Variants in SPOP observed in about 807,000 individuals in gnomAD.
SPOP encodes the protein speckle-type POZ protein.
SPOP carries 11 observed loss-of-function variants against 45.6 expected under a neutral mutation model. The ratio of observed to expected loss-of-function variants is 0.24; its 90% CI spans 0.15 to 0.40. The LOEUF (loss-of-function observed/expected upper bound fraction) is 0.40, where lower values mean the gene tolerates loss of function less well. Ranked by LOEUF, SPOP falls within the 10% of genes least tolerant of loss-of-function variation. The pLI, the probability that SPOP is intolerant of heterozygous loss-of-function variation, is 1.00. For missense variants in SPOP, 152 were observed against 465.6 expected (o/e 0.33, Z 6.20); for synonymous variants, 166 against 166.3 (o/e 1.00, Z 0.01).
intron 5 of SPOP, 73 bp from the exon 6 acceptor site, chr17:49,611,530 T>C (rs2071972554): frequency 8.5e-7 from 1 of 1,170,364 alleles, no homozygotes; most frequent in Admixed American, 2.0e-5. Flanking sequence ...AGACGACTTT[T>C]ACCTAACTGC....
At position 49,605,544 on chromosome 17, in the gene SPOP, G is replaced by T. The variant is rs7220846; in HGVS notation, c.837+1706C>A. On this transcript the variant is annotated intron_variant, in intron 8 of 9. Transcript: ENST00000504102. ...GTCTCTACTACATATACAACAATTA[G>T]CTGGGTGTGGTGGTGCATGCCTGTA... Among the ~76,000 whole-genome samples, 1,100 of 151,886 alleles carry T rather than the reference G, an allele frequency of 7.2e-3. 11 individuals are homozygous for T. Among genetic ancestry groups the T allele is most frequent in the African/African-American group, 0.024 (997 of 41,386 alleles).
intron 1 of SPOP, among the ~76,000 whole-genome samples, chr17:49,623,366 T>G (rs183133336): frequency 4.6e-5 from 7 of 152,324 alleles, no homozygotes; most frequent in Non-Finnish European, 1.0e-4. Context: ...AGTAGTCACC[T>G]AGTCACAATT....
chr17:49,669,704 G>A (rs898379355), intron 1 of SPOP, among the ~76,000 whole-genome samples: 1 of 141,778 alleles, frequency 7.1e-6, no homozygotes, highest in African/African-American at 2.6e-5. Context: ...GGCGGAGGTT[G>A]CAGTGAGCCG....
rs759238325 is a variant in SPOP, at chr17:49,624,654, TG to T, written c.-66-1779del. Among the ~76,000 whole-genome samples the T allele has an allele frequency of 1.6e-3, 248 of 152,052 alleles. 1 individual carries two copies. Among genetic ancestry groups the T allele is most frequent in the Non-Finnish European group, 1.0e-3 (68 of 67,984 alleles). On this transcript the variant is annotated intron_variant, in intron 1 of 9. Coordinates refer to ENST00000504102, the MANE Select transcript of SPOP (RefSeq NM_001007228.2). ...ACCTTGCTAATTTTTTGTATTTTTT[TG>T]TGGAGACAGGGTTTTGCCATGTTGC...
chr17:49,602,052 G>T (rs1249585915), intron 8 of SPOP, 45 bp from the exon 9 acceptor site: 2 of 1,604,304 alleles, frequency 1.2e-6, no homozygotes, highest in Admixed American at 3.4e-5. Context: ...CAATAGTTCT[G>T]GGCTGACCAC....
rs149757100 is a variant in SPOP, at chr17:49,603,693, G to A, written c.838-1686C>T. ...CTTATTCTGTTTTCCTAAAACTCACGAAGAGGTGTAAAGGTAAAAACGTTT... is the reference window on the plus strand; with the variant it reads ...CTTATTCTGTTTTCCTAAAACTCACAAAGAGGTGTAAAGGTAAAAACGTTT... On this transcript the variant is annotated intron_variant, in intron 8 of 9. Coordinates refer to ENST00000504102, the MANE Select transcript of SPOP (RefSeq NM_001007228.2). Among the ~76,000 whole-genome samples the A allele has an allele frequency of 4.9e-3, 741 of 152,322 alleles. 2 individuals are homozygous for A. Among genetic ancestry groups the A allele is most frequent in the Non-Finnish European group, 8.3e-3 (563 of 68,026 alleles).
rs1315023933 is a variant in SPOP at position 49,607,925 on chromosome 17, A to G, written c.663T>C (p.Arg221=). Residue 221 remains arginine (R), a synonymous_variant, in exon 7 of 10, where the codon CGT becomes CGC. Coordinates refer to ENST00000504102, the MANE Select transcript of SPOP (RefSeq NM_001007228.2). ...CAAACATGGCACTAAAAACCGGAGA[A>G]CGAGCTACAAAGTCAAAGAGAAACA... ...FQAHKAILAA[R]SPVFSAMFEH... 1.9e-6 allele frequency: 3 copies of G among 1,612,512 alleles called. No homozygotes were observed. Among genetic ancestry groups the G allele is most frequent in the Non-Finnish European group, 2.5e-6 (3 of 1,179,040 alleles).
intron 1 of SPOP, among the ~76,000 whole-genome samples, chr17:49,642,839 T>C (rs957246529): frequency 1.3e-5 from 2 of 152,206 alleles, no homozygotes; most frequent in Non-Finnish European, 2.9e-5. Flanking sequence ...ATTCACTGAA[T>C]GAAATTGCCT....
In SPOP at chr17:49,670,955, G is replaced by A. The variant is rs138147696; in HGVS notation, c.-67+6978C>T. 3.5e-3 allele frequency among the ~76,000 whole-genome samples: 526 copies of A among 152,226 alleles called. 3 individuals carry two copies. Among genetic ancestry groups the A allele is most frequent in the Non-Finnish European group, 4.4e-3 (299 of 68,012 alleles). On this transcript the variant is annotated intron_variant, in intron 1 of 9. Coordinates refer to ENST00000504102, the MANE Select transcript of SPOP (RefSeq NM_001007228.2). ...AGACATACTTGTGCATAGACGCACA[G>A]ATGTTTTTATATAATAATAAAACCG...
intron 1 of SPOP, among the ~76,000 whole-genome samples, chr17:49,642,044 T>C (rs2072664213): frequency 6.6e-6 from 1 of 150,808 alleles, no homozygotes; most frequent in East Asian, 2.0e-4. Flanking sequence ...AAAAGTGTAA[T>C]ACCTGTTTTT....
chr17:49,617,583 G>A (rs2072114111), intron 5 of SPOP, among the ~76,000 whole-genome samples: 1 of 152,136 alleles, frequency 6.6e-6, no homozygotes, highest in Admixed American at 6.5e-5. Flanking sequence ...GGTATTATAA[G>A]AAACTGCCTC....
intron 1 of SPOP, among the ~76,000 whole-genome samples, chr17:49,665,159 A>G (rs1188868670): frequency 1.3e-5 from 2 of 152,156 alleles, no homozygotes; most frequent in African/African-American, 2.4e-5. Flanking sequence ...ATCCCTATAT[A>G]AAATTACTCC....
intron 5 of SPOP, among the ~76,000 whole-genome samples, chr17:49,611,694 CT>C (rs1195418719): frequency 2.6e-5 from 4 of 152,176 alleles, no homozygotes; most frequent in Admixed American, 2.0e-4. Flanking sequence ...CCACAAATCT[CT>C]TTTTCCCCCA....
chr17:49,600,369 A>G lies in SPOP; in HGVS notation c.*9T>C. 6.2e-7 allele frequency: 1 copy of G among 1,613,886 alleles called. No individual in the cohort carries two copies. Among genetic ancestry groups the G allele is most frequent in the Non-Finnish European group, 8.5e-7 (1 of 1,179,948 alleles). On this transcript the variant is annotated 3_prime_UTR_variant, in exon 10 of 10. Transcript: ENST00000504102. The surrounding 1 kb of genome is among the most constrained non-coding windows in gnomAD (Gnocchi z 4.2). ...GGAAATTAAACGGAGTCTTACAACA[A>G]GCAGGATCTTAGGATTGCTTCAGGC... is the stretch of plus-strand genomic sequence containing the variant.
Position 49,618,339 on chromosome 17 carries a change from T to C in SPOP, c.480+642A>G, listed in dbSNP as rs2072134532. 2.6e-5 allele frequency among the ~76,000 whole-genome samples: 4 copies of C among 152,218 alleles called. No homozygotes were observed. In the South Asian group the frequency reaches 8.3e-4, roughly 32 times the overall value. Reference sequence around the variant, plus strand: ...TTAAAGAAACCACTTTCCAACTCATTCTTGGTTTGGGAATTTTATTTCAAG... The same window carrying C: ...TTAAAGAAACCACTTTCCAACTCATCCTTGGTTTGGGAATTTTATTTCAAG... On this transcript the variant is annotated intron_variant, in intron 5 of 9. Transcript: ENST00000504102.
At chr17:49,617,620 C>T (rs531416719) in intron 5 of SPOP, among the ~76,000 whole-genome samples, 46 of 152,202 alleles carry the variant, frequency 3.0e-4, no homozygotes, top group African/African-American at 1.1e-3. Flanking sequence ...TTTGCAACTA[C>T]TCTGTTGCAA....
chr17:49,606,261 C>CT (rs1296207575), intron 8 of SPOP, among the ~76,000 whole-genome samples: 2 of 152,032 alleles, frequency 1.3e-5, no homozygotes, highest in African/African-American at 4.8e-5. Flanking sequence ...TCAAGTGATC[C>CT]TCCCACCTCA....
At chr17:49,634,764 T>C (rs2072513043) in intron 1 of SPOP, among the ~76,000 whole-genome samples, 1 of 152,204 alleles carries the variant, frequency 6.6e-6, no homozygotes, top group Non-Finnish European at 1.5e-5. Context: ...AAATATTTCT[T>C]GCTAACATGA....
chr17:49,604,617 T>C (rs1307273189), intron 8 of SPOP, among the ~76,000 whole-genome samples: 3 of 152,184 alleles, frequency 2.0e-5, no homozygotes, highest in East Asian at 3.9e-4. Flanking sequence ...TTTTGGCAGA[T>C]AACCCTCTTT....
Sources: gnomAD v4.1 joint callset for allele counts (sites outside exome capture counted in the v4.1 genomes callset) on GRCh38, gnomAD v4.1.1 for gene constraint, Gnocchi (gnomAD v3.1) non-coding constraint, MANE v1.5 for transcripts, NCBI Gene and HGNC (gene_info 2026-07-23, HGNC 2026-07-21) for gene names.